NOP2: variants seen among roughly 807,000 people sequenced by gnomAD.
NOP2 encodes the protein 28S rRNA (cytosine(4447)-C(5))-methyltransferase.
A neutral mutation model predicts 72.7 loss-of-function variants in NOP2; 7 were observed. That is an observed-to-expected ratio of 0.10 (90% CI 0.05 to 0.18). The LOEUF (loss-of-function observed/expected upper bound fraction) is 0.18, where lower values mean the gene tolerates loss of function less well. Among genes scored for constraint, NOP2 ranks in the 10% least tolerant of loss-of-function variants. The pLI is 1.00. For synonymous variants in NOP2, 387 were observed against 388.0 expected (o/e 1.00, Z 0.03); for missense variants, 954 against 1,014.7 (o/e 0.94, Z 0.81).
chr12:6,563,602 C>G lies in NOP2; in HGVS notation c.688+12G>C. 2 of 1,609,848 alleles carry G rather than the reference C, an allele frequency of 1.2e-6. No homozygotes were observed. The highest frequency in any genetic ancestry group is 3.3e-5 in the Admixed American group (2 of 59,754). On this transcript the variant is annotated intron_variant, in intron 7 of 15. Coordinates refer to ENST00000322166, the MANE Select transcript of NOP2 (RefSeq NM_001258308.2). ...CTTCCTCCTAACTCTTCACTCTGCCCTGCAAGGATATCCTGCTCCATCTCC... is the reference window on the plus strand; with the variant it reads ...CTTCCTCCTAACTCTTCACTCTGCCGTGCAAGGATATCCTGCTCCATCTCC...
chr12:6,561,170 C>G, intron 11 of NOP2, 100 bp from the exon 12 acceptor site: 2 of 1,441,926 alleles, frequency 1.4e-6, no homozygotes, highest in Admixed American at 4.0e-5. Context: ...GTGTCATCAC[C>G]TCAAGGCAAC....
In NOP2 at chr12:6,563,529, G is replaced by C; in HGVS notation, c.689-15C>G. On this transcript the variant is annotated splice_polypyrimidine_tract_variant and intron_variant, in intron 7 of 15. Coordinates refer to ENST00000322166, the MANE Select transcript of NOP2 (RefSeq NM_001258308.2). ...AGCCTGGGCATGTGGGCCTGTTAAG[G>C]AACTGTGTCATGATGTCCTAAGGCC... is the stretch of plus-strand genomic sequence containing the variant. 1 of 1,612,480 alleles carries C rather than the reference G, an allele frequency of 6.2e-7. No individual in the cohort carries two copies. Among genetic ancestry groups the C allele is most frequent in the Non-Finnish European group, 8.5e-7 (1 of 1,179,220 alleles).
chr12:6,561,206 G>A lies in NOP2; in HGVS notation c.1208-136C>T, dbSNP rs907724590. The A allele has an allele frequency of 2.2e-5, 22 of 1,022,082 alleles. No individual in the cohort carries two copies. The African/African-American group carries it at 3.0e-4, about 14-fold the overall frequency. The allele number at this position is 1,022,082 out of a possible 1,614,324, so 63.3% of individuals were successfully genotyped here. ...TTCGCTCCCAACAAGCCTGCCTACT[G>A]TATAGGCTGATCCACTCTGCACTAG... On this transcript the variant is annotated intron_variant, in intron 11 of 15. Transcript: ENST00000322166.
rs753790573 is a variant in NOP2, at chr12:6,557,052, G to T, written c.2380C>A (p.Pro794Thr). Residue 794 changes from proline (P) to threonine (T), a missense_variant, in exon 16 of 16, where the codon CCA becomes ACA. Transcript: ENST00000322166. ...TVSPIRSSRP[P>T]PAKRKKSQSR... ...TGAGATTTCTTCCTCTTTGCTGGTG[G>T]GGGGCGGCTGGAACGGATGGGAGAC... 6.2e-6 allele frequency: 10 copies of T among 1,614,010 alleles called. No individual in the cohort carries two copies. Among genetic ancestry groups the T allele is most frequent in the Non-Finnish European group, 8.5e-6 (10 of 1,179,886 alleles).
Position 6,561,992 on chromosome 12 carries a change from T to TC in NOP2, c.979-22_979-21insG, listed in dbSNP as rs1310471077. ...AGAGCCTGAAAAGGGATGAAGATTT[T>TC]TTTTTTTTTTTTTTGAGATGGAGTC... On this transcript the variant is annotated intron_variant, in intron 9 of 15. Coordinates refer to ENST00000322166, the MANE Select transcript of NOP2 (RefSeq NM_001258308.2). 4 of 1,508,972 alleles carry TC rather than the reference T, an allele frequency of 2.7e-6. No homozygotes were observed. The African/African-American group carries it at 5.6e-5, about 21-fold the overall frequency. 93.5% of individuals were successfully genotyped at this position (1,508,972 alleles called of 1,614,324 possible).
chr12:6,566,754 TA>T, intron 3 of NOP2, 22 bp downstream of exon 3: 2 of 1,611,946 alleles, frequency 1.2e-6, no homozygotes, highest in Non-Finnish European at 1.7e-6. Context: ...TTAACCTACT[TA>T]AGTTTTGACA....
chr12:6,560,672 CAG>C lies in NOP2; in HGVS notation c.1437+24_1437+25del, dbSNP rs1947621431. 1 of 1,612,906 alleles carries C rather than the reference CAG, an allele frequency of 6.2e-7. No homozygotes were observed. The highest frequency in any genetic ancestry group is 2.2e-5 in the East Asian group (1 of 44,842). ...TCTACGAGACCCAGCCAAGGCCTCT[CAG>C]GGGCCCACCACCTGACTCCTCACCT... On this transcript the variant is annotated intron_variant, in intron 13 of 15. Coordinates refer to ENST00000322166, the MANE Select transcript of NOP2 (RefSeq NM_001258308.2). The surrounding 1 kb of genome is among the most constrained non-coding windows in gnomAD (Gnocchi z 5.0).
At position 6,563,522 on chromosome 12, in the gene NOP2, T is replaced by G; in HGVS notation, c.689-8A>C. On this transcript the variant is annotated splice_region_variant and splice_polypyrimidine_tract_variant and intron_variant, in intron 7 of 15. Coordinates refer to ENST00000322166, the MANE Select transcript of NOP2 (RefSeq NM_001258308.2). ...GGTCTGGAGCCTGGGCATGTGGGCC[T>G]GTTAAGGAACTGTGTCATGATGTCC... The G allele has an allele frequency of 1.9e-6, 3 of 1,612,620 alleles. No individual in the cohort carries two copies. The highest frequency in any genetic ancestry group is 2.5e-6 in the Non-Finnish European group (3 of 1,179,312).
chr12:6,566,350 G>A lies in NOP2; in HGVS notation c.239-14C>T. 1 of 1,605,254 alleles carries A rather than the reference G, an allele frequency of 6.2e-7. No individual in the cohort carries two copies. Among genetic ancestry groups the A allele is most frequent in the Non-Finnish European group, 8.5e-7 (1 of 1,174,072 alleles). ...CTGCAGAGATCCCTAAGGGTTTGAA[G>A]AGTCCTGGACTAATGGCAGCCACAC... On this transcript the variant is annotated splice_polypyrimidine_tract_variant and intron_variant, in intron 4 of 15. Coordinates refer to ENST00000322166, the MANE Select transcript of NOP2 (RefSeq NM_001258308.2).
intron 6 of NOP2, 47 bp from the exon 7 acceptor site, chr12:6,563,818 ACCT>A: frequency 6.2e-7 from 1 of 1,612,322 alleles, no homozygotes; most frequent in East Asian, 2.2e-5. Context: ...CAAAACAGAT[ACCT>A]CCTCCTTCCT....
rs768986675 is a variant in NOP2 at position 6,567,798 on chromosome 12, G to A, written c.103+18C>T. On this transcript the variant is annotated intron_variant, in intron 2 of 15. Transcript: ENST00000322166. Reference sequence around the variant, plus strand: ...ACTGCAAAAGCTGAGGGATCAGGAGGCCACAACTAATCCTTACCTGCAGGC... The same window carrying A: ...ACTGCAAAAGCTGAGGGATCAGGAGACCACAACTAATCCTTACCTGCAGGC... The A allele has an allele frequency of 6.9e-6, 11 of 1,593,612 alleles. No individual in the cohort carries two copies. In the South Asian group the frequency reaches 7.7e-5, roughly 11 times the overall value.
In NOP2 at chr12:6,557,273, G is replaced by A; in HGVS notation, c.2159C>T (p.Pro720Leu). Residue 720 changes from proline (P) to leucine (L), a missense_variant, in exon 16 of 16, where the codon CCC (proline) becomes CTC (leucine). Transcript: ENST00000322166. ...KVAFLRQNAPPKGTDTQTPAV... is the reference protein window; with the variant it reads ...KVAFLRQNAPLKGTDTQTPAV... ...CGGTGTTTGTGTGTCTGTGCCCTTG[G>A]GAGGGGCATTCTGCCTGAGGAAAGC... is the stretch of plus-strand genomic sequence containing the variant. 1.2e-6 allele frequency: 2 copies of A among 1,614,032 alleles called. No homozygotes were observed. Among genetic ancestry groups the A allele is most frequent in the Admixed American group, 1.7e-5 (1 of 60,022 alleles).
intron 15 of NOP2, among the ~76,000 whole-genome samples, chr12:6,559,341 G>C (rs572340259): frequency 3.9e-5 from 6 of 152,084 alleles, no homozygotes; most frequent in African/African-American, 9.7e-5. Flanking sequence ...GGATGGTCTC[G>C]ATCTCCTGAC....
At chr12:6,563,548 T>TA in intron 7 of NOP2, 34 bp from the exon 8 acceptor site, 1 of 1,610,594 alleles carries the variant, frequency 6.2e-7, no homozygotes, top group Non-Finnish European at 8.5e-7. Context: ...CATGATGTCC[T>TA]AAGGCCTGGA....
Position 6,561,026 on chromosome 12 carries a change from T to C in NOP2, c.1252A>G (p.Asn418Asp), listed in dbSNP as rs752863516. Residue 418 changes from asparagine (N) to aspartate (D), a missense_variant, in exon 12 of 16, where the codon AAT (asparagine) becomes GAT (aspartate). Asn to Asp is a conservative substitution (Grantham distance 23, BLOSUM62 1). Coordinates refer to ENST00000322166, the MANE Select transcript of NOP2 (RefSeq NM_001258308.2). Reference sequence around the variant, plus strand: ...ACAACACTCTTGAGCCGCTCAGCATTGGCGTCATTGGCAAGGATCACACCC... The same window carrying C: ...ACAACACTCTTGAGCCGCTCAGCATCGGCGTCATTGGCAAGGATCACACCC... ...NTGVILANDA[N>D]AERLKSVVGN... 1 of 1,613,974 alleles carries C rather than the reference T, an allele frequency of 6.2e-7. No individual in the cohort carries two copies. The highest frequency in any genetic ancestry group is 1.1e-5 in the South Asian group (1 of 91,076).
At position 6,566,273 on chromosome 12, in the gene NOP2, G is replaced by A; in HGVS notation, c.302C>T (p.Pro101Leu). 1.2e-6 allele frequency: 2 copies of A among 1,613,936 alleles called. No individual in the cohort carries two copies. The highest frequency in any genetic ancestry group is 1.7e-6 in the Non-Finnish European group (2 of 1,179,878). The part of the protein sequence containing the change: ...KKGPQSLFNA[P>L]RGKKRPAPGS... ...AGGTGCTGGGCGCTTCTTGCCTCGA[G>A]GAGCATTAAATAGGGACTGGGGTCC... Residue 101 changes from proline to leucine, a missense_variant, in exon 5 of 16, where the codon CCT becomes CTT. Transcript: ENST00000322166.
In NOP2 at chr12:6,560,673, AG is replaced by A. The variant is rs113814027; in HGVS notation, c.1437+24del. Reference sequence around the variant, plus strand: ...CTACGAGACCCAGCCAAGGCCTCTCAGGGGCCCACCACCTGACTCCTCACCT... The same window carrying A: ...CTACGAGACCCAGCCAAGGCCTCTCAGGGCCCACCACCTGACTCCTCACCT... On this transcript the variant is annotated intron_variant, in intron 13 of 15. Coordinates refer to ENST00000322166, the MANE Select transcript of NOP2 (RefSeq NM_001258308.2). The surrounding 1 kb of genome is among the most constrained non-coding windows in gnomAD (Gnocchi z 5.0). 2,126 of 1,613,082 alleles carry A rather than the reference AG, an allele frequency of 1.3e-3. 23 individuals carry two copies. In the African/African-American group the frequency reaches 0.023, roughly 18 times the overall value.
At chr12:6,566,896 T>A (rs1228483330) in intron 2 of NOP2, 74 bp from the exon 3 acceptor site, 1 of 1,242,646 alleles carries the variant, frequency 8.0e-7, no homozygotes, top group Non-Finnish European at 1.2e-6. Context: ...GAAATAAACA[T>A]GGTAAGAGAA....
intron 15 of NOP2, among the ~76,000 whole-genome samples, chr12:6,558,414 C>T (rs569468647): frequency 1.7e-4 from 25 of 151,090 alleles, no homozygotes; most frequent in Non-Finnish European, 2.4e-4. Flanking sequence ...CACAACCGTG[C>T]GCCACCATGT....
Sources: gnomAD v4.1 joint callset for allele counts (sites outside exome capture counted in the v4.1 genomes callset) on GRCh38, gnomAD v4.1.1 for gene constraint, Gnocchi (gnomAD v3.1) non-coding constraint, MANE v1.5 for transcripts, NCBI Gene and HGNC (gene_info 2026-07-23, HGNC 2026-07-21) for gene names.